Variants in STK31 observed in about 807,000 individuals in gnomAD.
STK31 encodes serine/threonine-protein kinase 31.
A neutral mutation model predicts 129.7 loss-of-function variants in STK31; 89 were observed. The observed-to-expected ratio is 0.69, with a 90% confidence interval of 0.58 to 0.82. The LOEUF (loss-of-function observed/expected upper bound fraction) is 0.82. STK31 is among the 40% of genes least tolerant of loss of function. STK31 has a pLI of 0.00. For synonymous variants in STK31, 448 were observed against 395.3 expected (o/e 1.13, Z -1.58); for missense variants, 1,187 against 1,176.4 (o/e 1.01, Z -0.13).
intron 6 of STK31, among the ~76,000 whole-genome samples, chr7:23,732,902 G>A (rs972396830): frequency 1.3e-5 from 2 of 152,080 alleles, no homozygotes; most frequent in South Asian, 2.1e-4. Flanking sequence ...TGTGAAAGAG[G>A]TTAACTGGAA....
At chr7:23,736,135 T>C (rs1434527232) in intron 7 of STK31, among the ~76,000 whole-genome samples, 3 of 152,220 alleles carry the variant, frequency 2.0e-5, no homozygotes, top group African/African-American at 7.2e-5. Context: ...ATACCAACTT[T>C]TCATGCCAAC....
At chr7:23,801,819 T>C (rs1385905574) in intron 22 of STK31, among the ~76,000 whole-genome samples, 1 of 152,096 alleles carries the variant, frequency 6.6e-6, no homozygotes, top group South Asian at 2.1e-4. Context: ...TGAATTGTCT[T>C]TGTATCTTTG....
At chr7:23,739,155 T>A (rs1157705091) in intron 8 of STK31, among the ~76,000 whole-genome samples, 1 of 152,216 alleles carries the variant, frequency 6.6e-6, no homozygotes, top group African/African-American at 2.4e-5. Flanking sequence ...CCTGACTTTT[T>A]AATGATCGCC....
At chr7:23,719,085 A>G (rs1786525118) in intron 4 of STK31, among the ~76,000 whole-genome samples, 1 of 152,072 alleles carries the variant, frequency 6.6e-6, no homozygotes, top group Non-Finnish European at 1.5e-5. Flanking sequence ...ACCTATTCAC[A>G]TCTTTTCCCC....
In STK31 at chr7:23,781,473, C is replaced by T. The variant is rs917591306; in HGVS notation, c.2020C>T (p.Leu674=). ...IEKIKEEITQ[L]RNNVFQEIYH... ...GAAAATAAAAGAAGAAATAACTCAG[C>T]TGCGCAATAATGTCTTTCAGGAAAT... is the stretch of plus-strand genomic sequence containing the variant. The change falls in exon 16 of 24, where the codon CTG becomes TTG. Residue 674 remains leucine, a synonymous_variant. Transcript: ENST00000355870. The T allele has an allele frequency of 8.1e-6, 13 of 1,611,686 alleles. No individual in the cohort carries two copies. The African/African-American group carries it at 1.7e-4, about 22-fold the overall frequency.
chr7:23,747,746 T>C (rs1788448765), intron 8 of STK31, among the ~76,000 whole-genome samples: 1 of 152,200 alleles, frequency 6.6e-6, no homozygotes, highest in African/African-American at 2.4e-5. Context: ...GTTATCAAAT[T>C]TGTGGGACTT....
intron 22 of STK31, among the ~76,000 whole-genome samples, chr7:23,810,763 ATAT>A (rs1411315928): frequency 8.4e-5 from 9 of 106,550 alleles, no homozygotes; most frequent in Non-Finnish European, 1.3e-4. Context: ...ATAATATATA[ATAT>A]ATAAATATAT....
intron 11 of STK31, among the ~76,000 whole-genome samples, chr7:23,768,380 A>C (rs1158272845): frequency 2.0e-5 from 3 of 152,208 alleles, no homozygotes; most frequent in African/African-American, 7.2e-5. Context: ...CTTAGAAGAT[A>C]TCCGTGTTGT....
At chr7:23,799,105 AT>A in intron 22 of STK31, among the ~76,000 whole-genome samples, 1 of 148,178 alleles carries the variant, frequency 6.7e-6, no homozygotes, top group Admixed American at 6.6e-5. Context: ...ACACAAAAAA[AT>A]GGAAAACAAA....
chr7:23,750,033 C>T (rs1253578009), intron 8 of STK31, among the ~76,000 whole-genome samples: 3 of 136,552 alleles, frequency 2.2e-5, no homozygotes, highest in African/African-American at 8.0e-5. Flanking sequence ...TTAAGAAGTA[C>T]AGAGTGCTCT....
At chr7:23,753,937 C>T (rs993484907) in intron 9 of STK31, among the ~76,000 whole-genome samples, 2 of 152,096 alleles carry the variant, frequency 1.3e-5, no homozygotes, top group Non-Finnish European at 2.9e-5. Context: ...TGTCTTTTCT[C>T]TTAGACATTG....
At chr7:23,717,104 T>TTTTG (rs1786386033) in intron 3 of STK31, among the ~76,000 whole-genome samples, 1 of 120,542 alleles carries the variant, frequency 8.3e-6, no homozygotes, top group African/African-American at 3.1e-5. Context: ...CTGCTTTTTT[T>TTTTG]TTTTTTTTTT....
At chr7:23,823,515 A>G (rs960749489) in intron 23 of STK31, among the ~76,000 whole-genome samples, 18 of 152,144 alleles carry the variant, frequency 1.2e-4, no homozygotes, top group African/African-American at 4.3e-4. Flanking sequence ...TCAGATGAGT[A>G]GGTTGCAAAA....
chr7:23,772,513 G>T (rs1228122765), intron 15 of STK31, among the ~76,000 whole-genome samples: 1 of 152,026 alleles, frequency 6.6e-6, no homozygotes, highest in African/African-American at 2.4e-5. Flanking sequence ...TTCCTAGGCT[G>T]CCTTGGTTCT....
At chr7:23,750,072 C>A (rs1788617360) in intron 8 of STK31, among the ~76,000 whole-genome samples, 1 of 120,388 alleles carries the variant, frequency 8.3e-6, no homozygotes, top group East Asian at 2.5e-4. Context: ...TTGTTTCCCC[C>A]CCCGCCACTG....
At chr7:23,825,726 A>G (rs920148715) in intron 23 of STK31, among the ~76,000 whole-genome samples, 8 of 151,586 alleles carry the variant, frequency 5.3e-5, no homozygotes, top group East Asian at 1.9e-4. Context: ...GCTTTCTCTT[A>G]TGGGCATTTA....
At chr7:23,813,892 G>C (rs188019795) in intron 22 of STK31, among the ~76,000 whole-genome samples, 2 of 152,136 alleles carry the variant, frequency 1.3e-5, no homozygotes, top group Non-Finnish European at 2.9e-5. Context: ...TGGACCAGCT[G>C]CTTGTGGTGT....
chr7:23,807,826 A>C (rs1355122035), intron 22 of STK31, among the ~76,000 whole-genome samples: 1 of 151,984 alleles, frequency 6.6e-6, no homozygotes, highest in East Asian at 1.9e-4. Context: ...TCTATCATTC[A>C]GTCCACCTAA....
At chr7:23,746,249 A>C (rs1049170612) in intron 8 of STK31, among the ~76,000 whole-genome samples, 1 of 152,198 alleles carries the variant, frequency 6.6e-6, no homozygotes, top group Non-Finnish European at 1.5e-5. Flanking sequence ...TCTGTGTCTC[A>C]GAGCACATGA....
Sources: gnomAD v4.1 joint callset for allele counts (sites outside exome capture counted in the v4.1 genomes callset) on GRCh38, gnomAD v4.1.1 for gene constraint, MANE v1.5 for transcripts, NCBI Gene and HGNC (gene_info 2026-07-23, HGNC 2026-07-21) for gene names.